ARHGEF11: variants seen among roughly 807,000 people sequenced by gnomAD.
The protein encoded by ARHGEF11 is Rho guanine nucleotide exchange factor 11.
ARHGEF11 carries 55 observed loss-of-function variants against 193.7 expected under a neutral mutation model. The observed-to-expected ratio is 0.28, with a 90% confidence interval of 0.23 to 0.36. The LOEUF is 0.36. Ranked by LOEUF, ARHGEF11 falls within the 10% of genes least tolerant of loss-of-function variation. ARHGEF11 has a pLI of 1.00. For missense variants in ARHGEF11, 1,723 were observed against 2,005.6 expected, an observed-to-expected ratio of 0.86 and a Z score of 2.69; for synonymous variants, 693 against 768.0, an observed-to-expected ratio of 0.90 and a Z score of 1.62.
At chr1:156,955,060 C>A in intron 20 of ARHGEF11, 139 bp from the exon 21 acceptor site, 1 of 718,340 alleles carries the variant, frequency 1.4e-6, no homozygotes, top group Non-Finnish European at 2.3e-6. Context: ...GAATCTCTTT[C>A]CGTTTCCTGC....
At chr1:156,960,009 T>C (rs1268516438) in intron 15 of ARHGEF11, among the ~76,000 whole-genome samples, 1 of 136,832 alleles carries the variant, frequency 7.3e-6, no homozygotes, top group Non-Finnish European at 1.5e-5. Context: ...AGCGAGGCCC[T>C]AGTTTCTGTA....
intron 11 of ARHGEF11, among the ~76,000 whole-genome samples, chr1:156,967,190 T>C (rs1305652113): frequency 1.3e-5 from 2 of 152,266 alleles, no homozygotes; most frequent in African/African-American, 4.8e-5. Flanking sequence ...TTTAAGGTAA[T>C]GACAGATTTC....
intron 4 of ARHGEF11, among the ~76,000 whole-genome samples, chr1:156,979,615 T>G (rs2047384497): frequency 6.6e-6 from 1 of 152,164 alleles, no homozygotes; most frequent in Non-Finnish European, 1.5e-5. Flanking sequence ...CCGCCCGTCT[T>G]GGCCTCCCAA....
At chr1:157,011,072 A>G (rs971483191) in intron 1 of ARHGEF11, among the ~76,000 whole-genome samples, 2 of 152,216 alleles carry the variant, frequency 1.3e-5, no homozygotes, top group Non-Finnish European at 2.9e-5. Context: ...TGGTGGACTC[A>G]TAATTCCTGA....
chr1:156,969,671 T>C (rs1181321398), intron 9 of ARHGEF11, among the ~76,000 whole-genome samples: 1 of 152,226 alleles, frequency 6.6e-6, no homozygotes, highest in Non-Finnish European at 1.5e-5. Context: ...AACCCTCTTC[T>C]GGTCACCACC....
intron 14 of ARHGEF11, 37 bp downstream of exon 14, chr1:156,961,640 T>A (rs375707058): frequency 6.3e-7 from 1 of 1,582,840 alleles, no homozygotes; most frequent in African/African-American, 1.3e-5. Context: ...GTTCAAAGAA[T>A]ATGATAAAAT....
At chr1:156,937,049 C>T (rs1655550803) in intron 39 of ARHGEF11, 44 bp from the exon 40 acceptor site, 2 of 1,597,128 alleles carry the variant, frequency 1.3e-6, no homozygotes, top group East Asian at 2.2e-5. Context: ...TCCTTCTATT[C>T]CTAAGGCCCC....
chr1:156,943,828 G>A, intron 32 of ARHGEF11, 107 bp downstream of exon 32: 1 of 1,345,138 alleles, frequency 7.4e-7, no homozygotes, highest in Non-Finnish European at 1.0e-6. Context: ...AGGAACACAG[G>A]TGGACAGGTA....
At position 156,939,863 on chromosome 1, in the gene ARHGEF11, T is replaced by C. The variant is rs145452145; in HGVS notation, c.3781A>G (p.Thr1261Ala). 4.2e-5 allele frequency: 67 copies of C among 1,610,824 alleles called. No homozygotes were observed. The African/African-American group carries it at 7.7e-4, about 19-fold the overall frequency. Residue 1261 changes from threonine to alanine, a missense_variant, in exon 37 of 41, where the codon ACC (threonine) becomes GCC (alanine). By Grantham distance (58) the Thr-to-Ala change is moderately conservative. Transcript: ENST00000368194. ...LILWSLLPGH[T>A]METQAAQEPE... ...TCCTGGGCAGCCTGAGTTTCCATGG[T>C]GTGACCTGGCAGCAGGCTCCACAGG...
rs1669070736 is a variant in ARHGEF11, at chr1:157,015,268, T to TCCTA, written c.32+29027_32+29030dup. On this transcript the variant is annotated intron_variant, in intron 1 of 40. Transcript: ENST00000368194. ...TAGGGCCACACTGCCTAGATCTGAA[T>TCCTA]CCTAGTTCTACTACTTACCAGCTGT... Among the ~76,000 whole-genome samples, 7 of 152,320 alleles carry TCCTA rather than the reference T, an allele frequency of 4.6e-5. No individual in the cohort carries two copies. In the South Asian group the frequency reaches 1.4e-3, roughly 32 times the overall value.
intron 22 of ARHGEF11, among the ~76,000 whole-genome samples, chr1:156,950,878 T>G (rs937339227): frequency 6.6e-6 from 1 of 152,220 alleles, no homozygotes; most frequent in Non-Finnish European, 1.5e-5. Context: ...TATAGAATTT[T>G]AGACATGACT....
intron 1 of ARHGEF11, among the ~76,000 whole-genome samples, chr1:157,020,305 T>G (rs1384131492): frequency 6.6e-6 from 1 of 152,056 alleles, no homozygotes; most frequent in East Asian, 1.9e-4. Flanking sequence ...CAAATATACC[T>G]TAATAAAGTG....
chr1:157,037,579 G>C (rs183572273), intron 1 of ARHGEF11, among the ~76,000 whole-genome samples: 364 of 152,098 alleles, frequency 2.4e-3, no homozygotes, highest in Admixed American at 4.2e-3. Flanking sequence ...CTCTTTCTTC[G>C]ACCTGAATAA....
chr1:157,001,844 C>T (rs1217596964), intron 1 of ARHGEF11, among the ~76,000 whole-genome samples: 1 of 152,218 alleles, frequency 6.6e-6, no homozygotes, highest in Admixed American at 6.5e-5. Context: ...ATTATTGGCA[C>T]TGGGATATGG....
At chr1:156,944,919 G>A in intron 30 of ARHGEF11, 100 bp downstream of exon 30, 2 of 1,454,248 alleles carry the variant, frequency 1.4e-6, no homozygotes, top group Non-Finnish European at 9.2e-7. Flanking sequence ...TCTGGTCTCT[G>A]TCTCCTACCT....
chr1:156,986,237 T>TG (rs1159735032), intron 1 of ARHGEF11, 64 bp from the exon 2 acceptor site: 18 of 1,393,696 alleles, frequency 1.3e-5, no homozygotes, highest in Non-Finnish European at 1.7e-5. Context: ...TTGTAGTAGA[T>TG]GGAGGCTCTG....
chr1:156,970,769 C>T (rs1182776906), intron 8 of ARHGEF11, among the ~76,000 whole-genome samples: 2 of 152,182 alleles, frequency 1.3e-5, no homozygotes, highest in Admixed American at 6.5e-5. Flanking sequence ...TTAACTCTGA[C>T]AACACTGTGA....
At position 156,977,717 on chromosome 1, in the gene ARHGEF11, A is replaced by G. The variant is rs1280809318; in HGVS notation, c.510+487T>C. On this transcript the variant is annotated intron_variant, in intron 6 of 40. Coordinates refer to ENST00000368194, the MANE Select transcript of ARHGEF11 (RefSeq NM_198236.3). ...GTGTGAGCCACTGCGCCTAGCCTCTACTTGTTTTTGTCCTTTTCTGGTCCC... is the reference window on the plus strand; with the variant it reads ...GTGTGAGCCACTGCGCCTAGCCTCTGCTTGTTTTTGTCCTTTTCTGGTCCC... Among the ~76,000 whole-genome samples the G allele has an allele frequency of 3.3e-5, 5 of 152,136 alleles. No individual in the cohort carries two copies. The East Asian group carries it at 9.7e-4, about 29-fold the overall frequency.
chr1:157,043,694 G>A (rs1217931808), intron 1 of ARHGEF11, among the ~76,000 whole-genome samples: 7 of 152,200 alleles, frequency 4.6e-5, no homozygotes, highest in African/African-American at 1.7e-4. Context: ...AAGCTTGGAG[G>A]AGAGGAAATT....
Sources: gnomAD v4.1 joint callset for allele counts (sites outside exome capture counted in the v4.1 genomes callset) on GRCh38, gnomAD v4.1.1 for gene constraint, MANE v1.5 for transcripts, NCBI Gene and HGNC (gene_info 2026-07-23, HGNC 2026-07-21) for gene names.